The following ERI3 variants were observed in gnomAD, a reference collection of about 807,000 sequenced individuals.
ERI3 encodes ERI1 exoribonuclease 3.
Under a neutral mutation model 44.4 loss-of-function variants are expected in ERI3, and 18 were observed. The ratio of observed to expected loss-of-function variants is 0.41; its 90% CI spans 0.28 to 0.60. The LOEUF (loss-of-function observed/expected upper bound fraction) is 0.60, where lower values mean the gene tolerates loss of function less well. Ranked by LOEUF, ERI3 falls within the 20% of genes least tolerant of loss-of-function variation. The probability of loss-of-function intolerance (pLI) is 0.36; values close to 1 mark genes in which losing one functional copy is unlikely to be tolerated. For synonymous variants in ERI3, 183 were observed against 164.8 expected (o/e 1.11, Z -0.84); for missense variants, 294 against 435.5 (o/e 0.68, Z 2.89).
intron 5 of ERI3, among the ~76,000 whole-genome samples, chr1:44,312,300 G>A (rs2154328230): frequency 1.3e-5 from 2 of 152,118 alleles, no homozygotes; most frequent in East Asian, 3.9e-4. Flanking sequence ...TGGCTTTATT[G>A]GTCTTAAAAA....
chr1:44,231,496 C>T (rs544644897), intron 8 of ERI3, among the ~76,000 whole-genome samples: 1 of 152,270 alleles, frequency 6.6e-6, no homozygotes, highest in South Asian at 2.1e-4. Flanking sequence ...GCATCAGCCT[C>T]CCGAGCAGCT....
At chr1:44,269,305 C>T (rs1480550271) in intron 7 of ERI3, among the ~76,000 whole-genome samples, 4 of 152,188 alleles carry the variant, frequency 2.6e-5, no homozygotes, top group African/African-American at 9.6e-5. Context: ...AGTAACCCAA[C>T]ACCAGAGCCC....
intron 8 of ERI3, among the ~76,000 whole-genome samples, chr1:44,245,712 CA>C (rs533287363): frequency 2.9e-4 from 44 of 152,288 alleles, no homozygotes; most frequent in African/African-American, 1.0e-3. Context: ...GAACAGATAA[CA>C]GGGGCATTGC....
intron 6 of ERI3, among the ~76,000 whole-genome samples, chr1:44,298,795 A>G (rs1645663797): frequency 1.3e-5 from 2 of 152,144 alleles, no homozygotes; most frequent in African/African-American, 4.8e-5. Context: ...GCATGTACCT[A>G]TAGTCCCAGC....
chr1:44,223,166 A>G (rs987083686), intron 8 of ERI3, among the ~76,000 whole-genome samples: 1 of 152,196 alleles, frequency 6.6e-6, no homozygotes, highest in Non-Finnish European at 1.5e-5. Context: ...TCTGAGGCAG[A>G]ACAGTGGAAA....
rs6690866 is a variant in ERI3, at chr1:44,299,077, G to C, written c.758+9233C>G. Among the ~76,000 whole-genome samples the C allele has an allele frequency of 8.3e-3, 1,259 of 152,056 alleles. 15 individuals carry two copies. The highest frequency in any genetic ancestry group is 0.028 in the African/African-American group (1,155 of 41,522). ...TTCTGGGATGATGAAAAAGGTTCTT[G>C]ATCTTGACCTGGGTGGTAGTTACCC... On this transcript the variant is annotated intron_variant, in intron 6 of 8. Coordinates refer to ENST00000372257, the MANE Select transcript of ERI3 (RefSeq NM_024066.3).
At chr1:44,343,523 G>T (rs534063909) in intron 2 of ERI3, among the ~76,000 whole-genome samples, 1 of 152,208 alleles carries the variant, frequency 6.6e-6, no homozygotes, top group South Asian at 2.1e-4. Context: ...AACCCTAATT[G>T]AGAGACAATC....
chr1:44,303,662 G>T (rs1212993009), intron 6 of ERI3, among the ~76,000 whole-genome samples: 1 of 152,228 alleles, frequency 6.6e-6, no homozygotes, highest in Non-Finnish European at 1.5e-5. Context: ...CATGTGGCTG[G>T]TGGGGAGGGG....
chr1:44,288,928 C>G (rs1246045511), intron 6 of ERI3, among the ~76,000 whole-genome samples: 2 of 152,184 alleles, frequency 1.3e-5, no homozygotes, highest in African/African-American at 2.4e-5. Flanking sequence ...AAAAGAGCCA[C>G]TGGCAGTGGG....
chr1:44,239,194 GC>G (rs1455187606), intron 8 of ERI3, among the ~76,000 whole-genome samples: 1 of 152,148 alleles, frequency 6.6e-6, no homozygotes, highest in Non-Finnish European at 1.5e-5. Flanking sequence ...AGAACTCAGG[GC>G]CCTGTGGCAG....
intron 4 of ERI3, among the ~76,000 whole-genome samples, chr1:44,318,060 T>C (rs552897133): frequency 2.6e-5 from 4 of 152,298 alleles, no homozygotes; most frequent in Admixed American, 2.6e-4. Flanking sequence ...TGGGTGAAGC[T>C]TTCTAGAGAG....
At chr1:44,274,365 T>C (rs936082505) in intron 7 of ERI3, among the ~76,000 whole-genome samples, 1 of 152,216 alleles carries the variant, frequency 6.6e-6, no homozygotes, top group Admixed American at 6.5e-5. Context: ...GACATTTTAA[T>C]ATTCCAAAAC....
At chr1:44,306,263 ATC>A (rs1645830507) in intron 6 of ERI3, among the ~76,000 whole-genome samples, 1 of 151,908 alleles carries the variant, frequency 6.6e-6, no homozygotes, top group African/African-American at 2.4e-5. Flanking sequence ...TGCCCTACCC[ATC>A]TCTTTTGGAA....
intron 6 of ERI3, among the ~76,000 whole-genome samples, chr1:44,304,206 C>G (rs1457437190): frequency 1.3e-5 from 2 of 151,774 alleles, no homozygotes; most frequent in Non-Finnish European, 2.9e-5. Context: ...CAGATGAGCC[C>G]GATTTCTTTT....
chr1:44,232,725 C>T (rs957180754), intron 8 of ERI3, among the ~76,000 whole-genome samples: 3 of 152,208 alleles, frequency 2.0e-5, no homozygotes, highest in Admixed American at 6.5e-5. Flanking sequence ...GGTATCATTC[C>T]TGCAAGTCCC....
intron 8 of ERI3, among the ~76,000 whole-genome samples, chr1:44,246,504 G>C (rs1368563469): frequency 1.3e-5 from 2 of 152,246 alleles, no homozygotes; most frequent in African/African-American, 2.4e-5. Flanking sequence ...CCCCAGGCCT[G>C]TTGGTCACTT....
At chr1:44,242,667 A>AG (rs1644464379) in intron 8 of ERI3, among the ~76,000 whole-genome samples, 1 of 152,282 alleles carries the variant, frequency 6.6e-6, no homozygotes, top group Non-Finnish European at 1.5e-5. Flanking sequence ...CCCCTCCCCC[A>AG]GGCCACAGTG....
chr1:44,221,979 C>T lies in ERI3; in HGVS notation c.932-339G>A, dbSNP rs1006863566. Reference sequence around the variant, plus strand: ...AATTTCTCCCTTGACGGCCCCCGGCCGCTGGGCGATCCTTCTTGTTGCTGC... The same window carrying T: ...AATTTCTCCCTTGACGGCCCCCGGCTGCTGGGCGATCCTTCTTGTTGCTGC... On this transcript the variant is annotated intron_variant, in intron 8 of 8. Coordinates refer to ENST00000372257, the MANE Select transcript of ERI3 (RefSeq NM_024066.3). This position sits in a 1 kb window ranked among gnomAD's most constrained non-coding sequence, Gnocchi z 5.9. Among the ~76,000 whole-genome samples the T allele has an allele frequency of 5.3e-5, 8 of 152,228 alleles. No homozygotes were observed. Among genetic ancestry groups the T allele is most frequent in the Non-Finnish European group, 7.3e-5 (5 of 68,036 alleles).
intron 7 of ERI3, among the ~76,000 whole-genome samples, chr1:44,273,219 T>C (rs1183746260): frequency 6.6e-6 from 1 of 152,240 alleles, no homozygotes; most frequent in African/African-American, 2.4e-5. Flanking sequence ...GTCCCATAAA[T>C]GCTAAGAACT....
Sources: gnomAD v4.1 joint callset for allele counts (sites outside exome capture counted in the v4.1 genomes callset) on GRCh38, gnomAD v4.1.1 for gene constraint, Gnocchi (gnomAD v3.1) non-coding constraint, MANE v1.5 for transcripts, NCBI Gene and HGNC (gene_info 2026-07-23, HGNC 2026-07-21) for gene names.